Variants in VPS4A observed in about 807,000 individuals in gnomAD.
VPS4A encodes the protein vacuolar protein sorting-associated protein 4A.
A neutral mutation model predicts 52.3 loss-of-function variants in VPS4A; 20 were observed. The observed-to-expected ratio is 0.38, with a 90% CI of 0.27 to 0.56. The LOEUF (loss-of-function observed/expected upper bound fraction) is 0.56. Among genes scored for constraint, VPS4A ranks in the 20% least tolerant of loss-of-function variants. VPS4A has a pLI of 0.72. For synonymous variants in VPS4A, 293 were observed against 227.7 expected, an observed-to-expected ratio of 1.29 and a Z score of -2.58; for missense variants, 419 against 575.9, an observed-to-expected ratio of 0.73 and a Z score of 2.79.
In VPS4A at chr16:69,324,424, TC is replaced by T. The variant is rs1294795770; in HGVS notation, c.*118del. 2.4e-5 allele frequency: 28 copies of T among 1,147,532 alleles called. No individual in the cohort carries two copies. The highest frequency in any genetic ancestry group is 2.0e-4 in the Middle Eastern group (1 of 4,972). The allele number at this position is 1,147,532 out of a possible 1,614,324, so 71.1% of individuals were successfully genotyped here. A position where few individuals can be genotyped will look rare whatever the true frequency, so the allele number is the denominator to read the frequency against. On this transcript the variant is annotated 3_prime_UTR_variant, in exon 11 of 11. Transcript: ENST00000254950. ...GGGCTTGTCCCAGTCAATACAGAGT[TC>T]CCTCTGCTGTCTGGCCGTCTGCCAG...
In VPS4A at chr16:69,321,323, T is replaced by G; in HGVS notation, c.1071+53T>G. 4 of 1,511,962 alleles carry G rather than the reference T, an allele frequency of 2.6e-6. No homozygotes were observed. Among genetic ancestry groups the G allele is most frequent in the African/African-American group, 1.4e-5 (1 of 71,600 alleles). 93.7% of individuals were successfully genotyped at this position (1,511,962 alleles called of 1,614,324 possible). Reference sequence around the variant, plus strand: ...AAATCTCATAGTAAGAGCGGGATGTTCGGTTTTTTTTTTCCCAGCTCCTGG... The same window carrying G: ...AAATCTCATAGTAAGAGCGGGATGTGCGGTTTTTTTTTTCCCAGCTCCTGG... On this transcript the variant is annotated intron_variant, in intron 9 of 10. Transcript: ENST00000254950. The surrounding 1 kb of genome is among the most constrained non-coding windows in gnomAD (Gnocchi z 4.5).
In VPS4A at chr16:69,320,605, A is replaced by G; in HGVS notation, c.770-83A>G. Reference sequence around the variant, plus strand: ...GGGATGGCTTCAATTGCTGACACACAAAGCCCCCGGGGTCTGTCCCCAGGT... The same window carrying G: ...GGGATGGCTTCAATTGCTGACACACGAAGCCCCCGGGGTCTGTCCCCAGGT... On this transcript the variant is annotated intron_variant, in intron 7 of 10. Coordinates refer to ENST00000254950, the MANE Select transcript of VPS4A (RefSeq NM_013245.3). This position sits in a 1 kb window ranked among gnomAD's most constrained non-coding sequence, Gnocchi z 4.2. 1.6e-6 allele frequency: 2 copies of G among 1,245,270 alleles called. No individual in the cohort carries two copies. Among genetic ancestry groups the G allele is most frequent in the African/African-American group, 1.5e-5 (1 of 66,702 alleles). The allele number at this position is 1,245,270 out of a possible 1,614,324, so 77.1% of individuals were successfully genotyped here.
At chr16:69,317,072 G>A (rs1965446269) in intron 3 of VPS4A, among the ~76,000 whole-genome samples, 1 of 152,166 alleles carries the variant, frequency 6.6e-6, no homozygotes, top group Admixed American at 6.5e-5. Flanking sequence ...GGTGGGTGGT[G>A]TCAGCTGCCT....
At position 69,320,552 on chromosome 16, in the gene VPS4A, T is replaced by C; in HGVS notation, c.770-136T>C. On this transcript the variant is annotated intron_variant, in intron 7 of 10. Coordinates refer to ENST00000254950, the MANE Select transcript of VPS4A (RefSeq NM_013245.3). The surrounding 1 kb of genome is among the most constrained non-coding windows in gnomAD (Gnocchi z 4.2). ...GACCAAGATGTGGTTTAATCTCACT[T>C]GGGACCCTGCCAGTGGTGGGTGGCA... The C allele has an allele frequency of 1.2e-6, 1 of 857,168 alleles. No individual in the cohort carries two copies. 53.1% of individuals were successfully genotyped at this position (857,168 alleles called of 1,614,324 possible).
rs1307994290 is a variant in VPS4A, at chr16:69,325,709, G to A, written c.*1400G>A. On this transcript the variant is annotated 3_prime_UTR_variant, in exon 11 of 11. Coordinates refer to ENST00000254950, the MANE Select transcript of VPS4A (RefSeq NM_013245.3). ...GATCGCGCCACTGCACTCCAGCCTG[G>A]GCGACAGAGCAAGACTCTGTCTCAA... 6.6e-6 allele frequency: 1 copy of A among 151,104 alleles called. No homozygotes were observed. 9.4% of individuals were successfully genotyped at this position (151,104 alleles called of 1,614,324 possible). A position where few individuals can be genotyped will look rare whatever the true frequency, so the allele number is the denominator to read the frequency against.
intron 3 of VPS4A, among the ~76,000 whole-genome samples, chr16:69,317,183 A>G (rs1204612520): frequency 6.6e-6 from 1 of 152,152 alleles, no homozygotes; most frequent in African/African-American, 2.4e-5. Flanking sequence ...AGGGATCTCC[A>G]ATAAGGATTA....
rs1432290814 is a variant in VPS4A, at chr16:69,318,882, G to A, written c.403G>A (p.Ala135Thr). 1.2e-6 allele frequency: 2 copies of A among 1,613,712 alleles called. No individual in the cohort carries two copies. Among genetic ancestry groups the A allele is most frequent in the Non-Finnish European group, 8.5e-7 (1 of 1,179,794 alleles). The change falls in exon 5 of 11, where the codon GCC becomes ACC. Residue 135 changes from alanine to threonine, a missense_variant. Physicochemically the swap from Ala to Thr is moderately conservative, Grantham distance 58. Transcript: ENST00000254950. ...RWNDVAGLEG[A>T]KEALKEAVIL... Reference sequence around the variant, plus strand: ...GAACGACGTGGCCGGGCTGGAGGGGGCCAAGGAGGCCCTCAAAGAAGCTGT... The same window carrying A: ...GAACGACGTGGCCGGGCTGGAGGGGACCAAGGAGGCCCTCAAAGAAGCTGT...
chr16:69,324,119 C>G (rs1965552329), intron 10 of VPS4A, 89 bp from the exon 11 acceptor site: 1 of 1,373,354 alleles, frequency 7.3e-7, no homozygotes, highest in African/African-American at 1.4e-5. Flanking sequence ...AAACCTCTTC[C>G]CACCCTCAGC....
intron 10 of VPS4A, chr16:69,323,520 G>T (rs1597215316): frequency 2.5e-6 from 1 of 395,694 alleles, no homozygotes; most frequent in African/African-American, 2.1e-5. Flanking sequence ...CATGGGTTTG[G>T]CTTTGCGGTG....
rs1424414809 is a variant in VPS4A at position 69,313,864 on chromosome 16, C to T, written c.22-2144C>T. ...TTTGCCATACGTGTTACTAGAGATG[C>T]GGCGGGGCTGGCAGTTTCTCACCTT... On this transcript the variant is annotated intron_variant, in intron 1 of 10. Coordinates refer to ENST00000254950, the MANE Select transcript of VPS4A (RefSeq NM_013245.3). Among the ~76,000 whole-genome samples the T allele has an allele frequency of 2.6e-5, 4 of 152,022 alleles. 1 individual carries two copies. Among genetic ancestry groups the T allele is most frequent in the Non-Finnish European group, 5.9e-5 (4 of 67,996 alleles).
At chr16:69,318,626 G>A (rs375581412) in intron 3 of VPS4A, 24 bp from the exon 4 acceptor site, 667 of 1,593,696 alleles carry the variant, frequency 4.2e-4, no homozygotes, top group Non-Finnish European at 5.3e-4. Context: ...GGGCCAGCTT[G>A]TGACTTTCCG....
At position 69,320,387 on chromosome 16, in the gene VPS4A, T is replaced by C; in HGVS notation, c.769+98T>C. 6.6e-7 allele frequency: 1 copy of C among 1,521,394 alleles called. No homozygotes were observed. The highest frequency in any genetic ancestry group is 1.3e-5 in the South Asian group (1 of 79,850). 94.2% of individuals were successfully genotyped at this position (1,521,394 alleles called of 1,614,324 possible). A position where few individuals can be genotyped will look rare whatever the true frequency, so the allele number is the denominator to read the frequency against. On this transcript the variant is annotated intron_variant, in intron 7 of 10. Coordinates refer to ENST00000254950, the MANE Select transcript of VPS4A (RefSeq NM_013245.3). This position sits in a 1 kb window ranked among gnomAD's most constrained non-coding sequence, Gnocchi z 4.2. ...CGGCTGGATTTGGTTGTTCTCAGCC[T>C]CGGAGAGGCACTCCCCAGCTCCAGC...
At position 69,321,584 on chromosome 16, in the gene VPS4A, AG is replaced by A; in HGVS notation, c.1071+315del. On this transcript the variant is annotated intron_variant, in intron 9 of 10. Coordinates refer to ENST00000254950, the MANE Select transcript of VPS4A (RefSeq NM_013245.3). This position sits in a 1 kb window ranked among gnomAD's most constrained non-coding sequence, Gnocchi z 4.5. ...GTGGACACCAAATCAGTGTTTGGAA[AG>A]TGTTGGATATAAAATGACCAGGAAG... 2.6e-6 allele frequency: 1 copy of A among 381,954 alleles called. No individual in the cohort carries two copies. Among genetic ancestry groups the A allele is most frequent in the Non-Finnish European group, 4.9e-6 (1 of 204,922 alleles). The allele number at this position is 381,954 out of a possible 1,614,324, so 23.7% of individuals were successfully genotyped here.
intron 3 of VPS4A, among the ~76,000 whole-genome samples, chr16:69,317,275 C>G (rs1965449165): frequency 6.6e-6 from 1 of 152,128 alleles, no homozygotes; most frequent in Non-Finnish European, 1.5e-5. Context: ...CCCAGGAGTT[C>G]CCTTTCGATT....
intron 9 of VPS4A, chr16:69,322,145 G>C (rs767623953): frequency 6.0e-6 from 1 of 166,984 alleles, no homozygotes; most frequent in South Asian, 1.6e-4. Context: ...ATCAGATCTC[G>C]TGAGACTTCA....
rs1965512748 is a variant in VPS4A at position 69,321,585 on chromosome 16, G to A, written c.1071+315G>A. 2.6e-6 allele frequency: 1 copy of A among 381,386 alleles called. No homozygotes were observed. Among genetic ancestry groups the A allele is most frequent in the Admixed American group, 4.0e-5 (1 of 24,844 alleles). 23.6% of individuals were successfully genotyped at this position (381,386 alleles called of 1,614,324 possible). On this transcript the variant is annotated intron_variant, in intron 9 of 10. Coordinates refer to ENST00000254950, the MANE Select transcript of VPS4A (RefSeq NM_013245.3). The surrounding 1 kb of genome is among the most constrained non-coding windows in gnomAD (Gnocchi z 4.5). ...TGGACACCAAATCAGTGTTTGGAAA[G>A]TGTTGGATATAAAATGACCAGGAAG...
Position 69,320,019 on chromosome 16 carries a change from C to A in VPS4A, c.621-122C>A. 1.5e-6 allele frequency: 2 copies of A among 1,361,162 alleles called. No individual in the cohort carries two copies. Among genetic ancestry groups the A allele is most frequent in the Admixed American group, 2.5e-5 (1 of 39,496 alleles). The allele number at this position is 1,361,162 out of a possible 1,614,324, so 84.3% of individuals were successfully genotyped here. A position where few individuals can be genotyped will look rare whatever the true frequency, so the allele number is the denominator to read the frequency against. On this transcript the variant is annotated intron_variant, in intron 6 of 10. Transcript: ENST00000254950. This position sits in a 1 kb window ranked among gnomAD's most constrained non-coding sequence, Gnocchi z 4.2. ...GGGCTCCTCACCACCACGTTTTCCGCAATTCCGGCATGACCGTGGCCTGCG... is the reference window on the plus strand; with the variant it reads ...GGGCTCCTCACCACCACGTTTTCCGAAATTCCGGCATGACCGTGGCCTGCG...
At chr16:69,323,025 GC>G (rs1965533758) in intron 10 of VPS4A, 1 of 178,042 alleles carries the variant, frequency 5.6e-6, no homozygotes, top group African/African-American at 2.4e-5. Context: ...CAGAGATTGG[GC>G]CACTGCACTC....
In VPS4A at chr16:69,320,913, G is replaced by A. The variant is rs1965501843; in HGVS notation, c.852-138G>A. ...CCTGCCAAGCAGAGCCCTTTGTGAGGCTGGCTTGTTGAGGATGTGCCGCCA... is the reference window on the plus strand; with the variant it reads ...CCTGCCAAGCAGAGCCCTTTGTGAGACTGGCTTGTTGAGGATGTGCCGCCA... On this transcript the variant is annotated intron_variant, in intron 8 of 10. Coordinates refer to ENST00000254950, the MANE Select transcript of VPS4A (RefSeq NM_013245.3). The surrounding 1 kb of genome is among the most constrained non-coding windows in gnomAD (Gnocchi z 4.2). The A allele has an allele frequency of 1.6e-6, 2 of 1,239,214 alleles. No homozygotes were observed. The highest frequency in any genetic ancestry group is 2.3e-6 in the Non-Finnish European group (2 of 879,204). The allele number at this position is 1,239,214 out of a possible 1,614,324, so 76.8% of individuals were successfully genotyped here.
Sources: allele counts gnomAD v4.1 joint callset (sites outside exome capture counted in the v4.1 genomes callset), GRCh38; gene constraint gnomAD v4.1.1; non-coding constraint Gnocchi (gnomAD v3.1); transcripts MANE v1.5; gene names NCBI Gene and HGNC (gene_info 2026-07-23, HGNC 2026-07-21).